TMEM178B: variants seen among roughly 807,000 people sequenced by gnomAD.
TMEM178B encodes the protein transmembrane protein 178B.
Under a neutral mutation model 31.0 loss-of-function variants are expected in TMEM178B, and 5 were observed. The observed-to-expected ratio is 0.16, with a 90% CI of 0.08 to 0.34. The LOEUF is 0.34. TMEM178B is among the 10% of genes least tolerant of loss of function. TMEM178B has a pLI of 1.00. For missense variants in TMEM178B, 275 were observed against 400.3 expected, an observed-to-expected ratio of 0.69 and a Z score of 2.67; for synonymous variants, 164 against 164.0, an observed-to-expected ratio of 1.00 and a Z score of 0.00.
chr7:141,084,904 A>C (rs894950214), intron 1 of TMEM178B, among the ~76,000 whole-genome samples: 83 of 152,182 alleles, frequency 5.5e-4, no homozygotes, highest in African/African-American at 1.9e-3. Context: ...TTTGAGACCG[A>C]GTCTTACTCT....
At chr7:141,118,499 A>T (rs1795356680) in intron 1 of TMEM178B, among the ~76,000 whole-genome samples, 1 of 152,248 alleles carries the variant, frequency 6.6e-6, no homozygotes, top group Non-Finnish European at 1.5e-5. Flanking sequence ...TGTTTAGAAT[A>T]TCCAGCGTAT....
chr7:141,216,171 A>G (rs563946524), intron 2 of TMEM178B, among the ~76,000 whole-genome samples: 3 of 152,182 alleles, frequency 2.0e-5, no homozygotes, highest in East Asian at 1.9e-4. Flanking sequence ...ATGTGGCCTC[A>G]TCATCAACCA....
At chr7:141,283,903 G>A (rs1798403100) in intron 2 of TMEM178B, among the ~76,000 whole-genome samples, 2 of 152,192 alleles carry the variant, frequency 1.3e-5, no homozygotes, top group South Asian at 2.1e-4. Context: ...AGAGGGACCT[G>A]GCAGCAGAAT....
chr7:141,127,332 C>T (rs1287799145), intron 1 of TMEM178B, among the ~76,000 whole-genome samples: 5 of 152,138 alleles, frequency 3.3e-5, no homozygotes, highest in Admixed American at 2.0e-4. Context: ...ATGTTCATGT[C>T]CTAACCCCTA....
intron 2 of TMEM178B, among the ~76,000 whole-genome samples, chr7:141,395,213 GA>G (rs1800615566): frequency 6.6e-6 from 1 of 152,204 alleles, no homozygotes; most frequent in Admixed American, 6.5e-5. Flanking sequence ...GGAATCCACA[GA>G]AGTGTAGAGC....
At chr7:141,139,311 C>T (rs937283684) in intron 1 of TMEM178B, among the ~76,000 whole-genome samples, 11 of 152,248 alleles carry the variant, frequency 7.2e-5, no homozygotes, top group South Asian at 6.2e-4. Flanking sequence ...AATGTGTTTA[C>T]GAGACTTACA....
At chr7:141,181,378 A>G (rs1586813010) in intron 1 of TMEM178B, among the ~76,000 whole-genome samples, 1 of 152,172 alleles carries the variant, frequency 6.6e-6, no homozygotes, top group South Asian at 2.1e-4. Flanking sequence ...GGAAGGGTTG[A>G]TGTAGGCTGG....
At chr7:141,320,525 C>A (rs1042150632) in intron 2 of TMEM178B, among the ~76,000 whole-genome samples, 2 of 152,222 alleles carry the variant, frequency 1.3e-5, no homozygotes, top group South Asian at 4.1e-4. Context: ...GTGTCTGGCC[C>A]GTCTCACCTT....
chr7:141,260,968 T>C (rs188612069), intron 2 of TMEM178B, among the ~76,000 whole-genome samples: 1 of 152,314 alleles, frequency 6.6e-6, no homozygotes, highest in East Asian at 1.9e-4. Flanking sequence ...ATAGGCTTTA[T>C]GGTAAGAAAG....
At chr7:141,139,671 G>A (rs1015792335) in intron 1 of TMEM178B, among the ~76,000 whole-genome samples, 3 of 152,056 alleles carry the variant, frequency 2.0e-5, no homozygotes, top group Non-Finnish European at 2.9e-5. Flanking sequence ...ATGAATGATT[G>A]TAATTTCCAT....
At chr7:141,355,320 G>C (rs1489146829) in intron 2 of TMEM178B, among the ~76,000 whole-genome samples, 1 of 152,212 alleles carries the variant, frequency 6.6e-6, no homozygotes, top group Admixed American at 6.5e-5. Context: ...AAGAAAAACA[G>C]AGCCATGACC....
chr7:141,202,500 C>G (rs1796894031), intron 1 of TMEM178B, among the ~76,000 whole-genome samples: 5 of 151,946 alleles, frequency 3.3e-5, no homozygotes, highest in Non-Finnish European at 7.4e-5. Flanking sequence ...ACTCAGTCTA[C>G]GCAATGCATA....
intron 2 of TMEM178B, among the ~76,000 whole-genome samples, chr7:141,302,236 A>G (rs574649704): frequency 2.0e-5 from 3 of 152,372 alleles, no homozygotes; most frequent in African/African-American, 7.2e-5. Context: ...TATCCATACA[A>G]TGGTCCATTA....
At chr7:141,219,948 A>T (rs1797227961) in intron 2 of TMEM178B, among the ~76,000 whole-genome samples, 1 of 152,142 alleles carries the variant, frequency 6.6e-6, no homozygotes, top group South Asian at 2.1e-4. Context: ...TTCCCTGGAT[A>T]GCATTTTTAT....
At chr7:141,228,529 C>A (rs1797383082) in intron 2 of TMEM178B, among the ~76,000 whole-genome samples, 1 of 152,186 alleles carries the variant, frequency 6.6e-6, no homozygotes, top group Non-Finnish European at 1.5e-5. Context: ...CCATCCCAGG[C>A]TCCCTTTTCC....
chr7:141,499,664 A>C, the TMEM178B span, among the ~76,000 whole-genome samples: 1 of 152,032 alleles, frequency 6.6e-6, no homozygotes, highest in East Asian at 1.9e-4. Context: ...AAAACCCCAC[A>C]AAAGATAAGT....
intron 1 of TMEM178B, among the ~76,000 whole-genome samples, chr7:141,200,517 A>T (rs28698418): frequency 0.064 from 9,749 of 152,230 alleles, 956 homozygotes; most frequent in African/African-American, 0.21. Flanking sequence ...AGAGAGCACT[A>T]TCAGGGGATT....
chr7:141,184,974 G>A (rs1247427274), intron 1 of TMEM178B, among the ~76,000 whole-genome samples: 1 of 152,316 alleles, frequency 6.6e-6, no homozygotes, highest in African/African-American at 2.4e-5. Context: ...CTCTGGACGT[G>A]GCCAGACACA....
chr7:141,511,053 A>C, the TMEM178B span, among the ~76,000 whole-genome samples: 2 of 152,036 alleles, frequency 1.3e-5, no homozygotes, highest in Admixed American at 6.5e-5. Context: ...TGTGCAATGT[A>C]TTATCAGCAG....
Sources: allele counts gnomAD v4.1 joint callset (sites outside exome capture counted in the v4.1 genomes callset), GRCh38; gene constraint gnomAD v4.1.1; transcripts MANE v1.5; gene names NCBI Gene and HGNC (gene_info 2026-07-23, HGNC 2026-07-21).